The following PCDH15 variants were observed in gnomAD, a reference collection of about 807,000 sequenced individuals.
The protein encoded by PCDH15 is protocadherin related 15.
A neutral mutation model predicts 178.5 loss-of-function variants in PCDH15; 129 were observed. The observed-to-expected ratio is 0.72, with a 90% confidence interval of 0.63 to 0.84. The LOEUF (loss-of-function observed/expected upper bound fraction) is 0.84, where lower values mean the gene tolerates loss of function less well. Ranked by LOEUF, PCDH15 falls within the 40% of genes least tolerant of loss-of-function variation. PCDH15 has a pLI of 0.00. For missense variants in PCDH15, 2,230 were observed against 2,099.9 expected (o/e 1.06, Z -1.21); for synonymous variants, 800 against 732.0 (o/e 1.09, Z -1.50).
chr10:54,696,680 AT>A (rs1290761658), intron 1 of PCDH15, among the ~76,000 whole-genome samples: 63 of 150,120 alleles, frequency 4.2e-4, no homozygotes, highest in Non-Finnish European at 2.5e-4. Flanking sequence ...CAGAAAATAA[AT>A]GAAAAAAAAA....
chr10:54,134,856 A>G (rs12255589), intron 14 of PCDH15, among the ~76,000 whole-genome samples: 2,345 of 152,148 alleles, frequency 0.015, 76 homozygotes, highest in African/African-American at 0.054. Context: ...GTTTCTGAGC[A>G]TATCATCAGT....
intron 2 of PCDH15, 56 bp from the exon 3 acceptor site, chr10:54,527,933 GA>G: frequency 2.2e-6 from 3 of 1,359,130 alleles, no homozygotes; most frequent in Non-Finnish European, 3.1e-6. Flanking sequence ...CACACAATGA[GA>G]AAAAAATTCA....
chr10:53,907,094 CAT>C (rs903120983), intron 25 of PCDH15: 4 of 152,116 alleles, frequency 2.6e-5, no homozygotes, highest in Admixed American at 6.6e-5. Flanking sequence ...CTTTTTTATT[CAT>C]GTGTATACAA....
At chr10:55,466,012 T>A (rs1298035745) in intron 2 of PCDH15, among the ~76,000 whole-genome samples, 1 of 152,212 alleles carries the variant, frequency 6.6e-6, no homozygotes, top group East Asian at 1.9e-4. Context: ...ATTACATGCC[T>A]ACTGTGAGCT....
intron 4 of PCDH15, among the ~76,000 whole-genome samples, chr10:54,378,172 C>A (rs1225169698): frequency 1.3e-5 from 2 of 152,012 alleles, no homozygotes; most frequent in Non-Finnish European, 2.9e-5. Context: ...CAGTTCTCCC[C>A]ACTGGGCCTC....
intron 2 of PCDH15, among the ~76,000 whole-genome samples, chr10:54,572,458 C>T (rs2089965854): frequency 6.6e-6 from 1 of 152,032 alleles, no homozygotes; most frequent in African/African-American, 2.4e-5. Flanking sequence ...CAATTTGATA[C>T]TTTAAGAACT....
intron 2 of PCDH15, among the ~76,000 whole-genome samples, chr10:55,116,213 T>C (rs1591915004): frequency 1.3e-5 from 2 of 152,288 alleles, no homozygotes; most frequent in East Asian, 3.9e-4. Flanking sequence ...AAATAACTAA[T>C]GGCTTATATA....
At chr10:54,731,563 TAC>T (rs1159070523) in intron 1 of PCDH15, among the ~76,000 whole-genome samples, 12 of 49,922 alleles carry the variant, frequency 2.4e-4, no homozygotes, top group African/African-American at 5.8e-4. Flanking sequence ...TATATATATA[TAC>T]ACACACACAC....
intron 2 of PCDH15, among the ~76,000 whole-genome samples, chr10:54,965,640 T>C (rs1330306585): frequency 6.9e-6 from 1 of 144,036 alleles, no homozygotes; most frequent in African/African-American, 2.6e-5. Flanking sequence ...TATATATATG[T>C]TGGGTATATG....
intron 2 of PCDH15, among the ~76,000 whole-genome samples, chr10:55,054,566 T>C (rs1841249374): frequency 6.6e-6 from 1 of 152,240 alleles, no homozygotes; most frequent in Admixed American, 6.5e-5. Flanking sequence ...CTGGGTCAAA[T>C]AGCTTTTCTA....
At chr10:54,150,611 AT>A (rs2044430201) in intron 14 of PCDH15, among the ~76,000 whole-genome samples, 7 of 150,866 alleles carry the variant, frequency 4.6e-5, no homozygotes, top group Admixed American at 4.6e-4. Context: ...TTTTTTCTTG[AT>A]TAGGTTAGAT....
At chr10:54,139,487 G>A (rs953293305) in intron 14 of PCDH15, among the ~76,000 whole-genome samples, 2 of 152,058 alleles carry the variant, frequency 1.3e-5, no homozygotes, top group Non-Finnish European at 2.9e-5. Context: ...TGCTCATTGG[G>A]TGTCTGGGTC....
chr10:53,928,698 G>T lies in PCDH15; in HGVS notation c.3373+10117C>A, dbSNP rs539862063. Among the ~76,000 whole-genome samples, 21 of 152,000 alleles carry T rather than the reference G, an allele frequency of 1.4e-4. No individual in the cohort carries two copies. The East Asian group carries it at 2.9e-3, about 21-fold the overall frequency. ...TTAGTGTGCCTCTACTGAAATAGGA[G>T]TTTTTCTAAAGCAAGAGGTTTAGAG... On this transcript the variant is annotated intron_variant, in intron 25 of 37. Transcript: ENST00000644397.
intron 25 of PCDH15, among the ~76,000 whole-genome samples, chr10:53,909,156 G>C (rs144695491): frequency 2.2e-4 from 34 of 152,160 alleles, no homozygotes; most frequent in Admixed American, 5.9e-4. Flanking sequence ...TAGTGAGTTT[G>C]CACGAAATCC....
At chr10:54,405,709 A>AAAC (rs558572886) in intron 3 of PCDH15, among the ~76,000 whole-genome samples, 1,625 of 151,916 alleles carry the variant, frequency 0.011, 31 homozygotes, top group African/African-American at 0.035. Context: ...AAAAAAAAAA[A>AAAC]CTAAAAATTA....
chr10:54,089,628 G>A (rs1310641281), intron 16 of PCDH15, among the ~76,000 whole-genome samples: 2 of 152,112 alleles, frequency 1.3e-5, no homozygotes, highest in Non-Finnish European at 2.9e-5. Flanking sequence ...AACACATCTT[G>A]CCTACAAGCC....
At position 53,814,280 on chromosome 10, in the gene PCDH15, G is replaced by GTAA. The variant is rs200623610; in HGVS notation, c.4491+1956_4491+1958dup. Among the ~76,000 whole-genome samples the GTAA allele has an allele frequency of 1.0e-2, 1,518 of 152,198 alleles. 25 individuals carry two copies. The highest frequency in any genetic ancestry group is 0.034 in the African/African-American group (1,425 of 41,514). ...TGAAGTAGACTTTTAACAACATTAG[G>GTAA]TAATAGTAAGAAACACGAAATAAAA... On this transcript the variant is annotated intron_variant, in intron 35 of 37. Coordinates refer to ENST00000644397, the MANE Select transcript of PCDH15 (RefSeq NM_001384140.1).
At chr10:54,759,259 C>A (rs540354373) in intron 1 of PCDH15, among the ~76,000 whole-genome samples, 1 of 151,952 alleles carries the variant, frequency 6.6e-6, no homozygotes, top group African/African-American at 2.4e-5. Flanking sequence ...TGAACACTAC[C>A]GGGCAAACAC....
At chr10:55,129,103 T>A (rs935664919) in intron 2 of PCDH15, among the ~76,000 whole-genome samples, 3 of 152,128 alleles carry the variant, frequency 2.0e-5, no homozygotes, top group African/African-American at 7.2e-5. Context: ...ATTTAGGGAA[T>A]CTTAATCTTT....
Sources: allele counts gnomAD v4.1 joint callset (sites outside exome capture counted in the v4.1 genomes callset), GRCh38; gene constraint gnomAD v4.1.1; transcripts MANE v1.5; gene names NCBI Gene and HGNC (gene_info 2026-07-23, HGNC 2026-07-21).